Variants in TRAPPC9 observed in about 807,000 individuals in gnomAD.
TRAPPC9 encodes the protein IKK2 binding protein.
TRAPPC9 carries 83 observed loss-of-function variants against 124.0 expected under a neutral mutation model. The observed-to-expected ratio is 0.67, with a 90% CI of 0.56 to 0.80. TRAPPC9 has a LOEUF of 0.80. Ranked by LOEUF, TRAPPC9 falls within the 30% of genes least tolerant of loss-of-function variation. The pLI is 0.00. For synonymous variants in TRAPPC9, 638 were observed against 617.5 expected (o/e 1.03, Z -0.49); for missense variants, 1,302 against 1,508.3 (o/e 0.86, Z 2.27).
At chr8:140,233,982 T>C (rs946536339) in intron 16 of TRAPPC9, among the ~76,000 whole-genome samples, 4 of 152,202 alleles carry the variant, frequency 2.6e-5, no homozygotes, top group Non-Finnish European at 5.9e-5. Context: ...ACTAGACTTA[T>C]GCTAATACAG....
rs1323121296 is a variant in TRAPPC9, at chr8:139,961,138, A to G, written c.2810+27588T>C. Among the ~76,000 whole-genome samples, 2 of 124,908 alleles carry G rather than the reference A, an allele frequency of 1.6e-5. 1 individual carries two copies. Among genetic ancestry groups the G allele is most frequent in the Non-Finnish European group, 3.8e-5 (2 of 52,348 alleles). The allele number at this position is 124,908 out of a possible 152,430, so 81.9% of individuals were successfully genotyped here. A position where few individuals can be genotyped will look rare whatever the true frequency, so the allele number is the denominator to read the frequency against. ...TGAAGAGGAGGACAGCAGGAAACCC[A>G]CATGTGTCCTCGGACAAACCCACGT... On this transcript the variant is annotated intron_variant, in intron 19 of 22. Coordinates refer to ENST00000438773, the MANE Select transcript of TRAPPC9 (RefSeq NM_001160372.4).
At chr8:139,850,074 G>A (rs183609248) in intron 21 of TRAPPC9, among the ~76,000 whole-genome samples, 13 of 152,248 alleles carry the variant, frequency 8.5e-5, no homozygotes, top group African/African-American at 3.1e-4. Context: ...CTGTCCAATT[G>A]CTTAGAACTC....
chr8:140,415,901 T>C (rs2069912454), intron 5 of TRAPPC9, among the ~76,000 whole-genome samples: 1 of 152,166 alleles, frequency 6.6e-6, no homozygotes, highest in South Asian at 2.1e-4. Flanking sequence ...GAGACGACTA[T>C]AGTGAACTAT....
chr8:140,383,209 G>A (rs2068661172), intron 7 of TRAPPC9, among the ~76,000 whole-genome samples: 1 of 152,116 alleles, frequency 6.6e-6, no homozygotes. Context: ...CACAAAGATG[G>A]GGAAAAAACA....
chr8:140,312,340 G>A (rs2066319300), intron 9 of TRAPPC9, among the ~76,000 whole-genome samples: 1 of 152,164 alleles, frequency 6.6e-6, no homozygotes, highest in African/African-American at 2.4e-5. Context: ...ACCTAGAACA[G>A]CGAAGTTAGA....
chr8:140,433,850 T>G (rs953076128), intron 4 of TRAPPC9, among the ~76,000 whole-genome samples: 5 of 152,200 alleles, frequency 3.3e-5, no homozygotes, highest in Admixed American at 2.6e-4. Context: ...AAACCCTAAC[T>G]TTCCATGACT....
intron 9 of TRAPPC9, among the ~76,000 whole-genome samples, chr8:140,330,036 G>A (rs891264176): frequency 3.3e-5 from 5 of 151,872 alleles, no homozygotes; most frequent in Admixed American, 6.6e-5. Context: ...CCGAGATTGC[G>A]CCATTGCACT....
intron 22 of TRAPPC9, 120 bp from the exon 23 acceptor site, chr8:139,731,348 G>T: frequency 1.6e-6 from 2 of 1,234,176 alleles, no homozygotes; most frequent in Non-Finnish European, 2.3e-6. Flanking sequence ...GGCCGCCCAG[G>T]CCTGGCTCCA....
chr8:139,928,038 T>A (rs746361743), intron 19 of TRAPPC9, among the ~76,000 whole-genome samples: 1 of 152,184 alleles, frequency 6.6e-6, no homozygotes, highest in African/African-American at 2.4e-5. Context: ...TAGACACATA[T>A]CAAAGCTGAT....
chr8:140,360,297 A>G (rs965907819), intron 8 of TRAPPC9, 104 bp from the exon 9 acceptor site: 2 of 1,419,664 alleles, frequency 1.4e-6, no homozygotes, highest in African/African-American at 2.8e-5. Context: ...AGATGCCTCA[A>G]CCACCAAACT....
chr8:139,978,205 C>A (rs1388119072), intron 19 of TRAPPC9, among the ~76,000 whole-genome samples: 3 of 152,156 alleles, frequency 2.0e-5, no homozygotes, highest in Non-Finnish European at 4.4e-5. Context: ...GGACCACAGG[C>A]ACACAACCGG....
At chr8:139,966,065 A>G (rs1040266223) in intron 19 of TRAPPC9, among the ~76,000 whole-genome samples, 1 of 152,212 alleles carries the variant, frequency 6.6e-6, no homozygotes, top group Non-Finnish European at 1.5e-5. Flanking sequence ...GGACGTTTCT[A>G]TGAAGTTGTG....
chr8:140,029,640 A>AT (rs1212465493), intron 17 of TRAPPC9, among the ~76,000 whole-genome samples: 8 of 116,066 alleles, frequency 6.9e-5, no homozygotes, highest in South Asian at 3.0e-4. Context: ...ATAAAATTAA[A>AT]AATATATATA....
chr8:140,094,403 C>T (rs910586921), intron 17 of TRAPPC9, among the ~76,000 whole-genome samples: 10 of 152,322 alleles, frequency 6.6e-5, no homozygotes, highest in East Asian at 3.9e-4. Context: ...CCGAGAGCCA[C>T]GCACGGTCAT....
intron 21 of TRAPPC9, among the ~76,000 whole-genome samples, chr8:139,843,466 A>C (rs1400156900): frequency 6.6e-6 from 1 of 152,186 alleles, no homozygotes; most frequent in Non-Finnish European, 1.5e-5. Flanking sequence ...AGGCAGAACG[A>C]TCCCTCCCAA....
At chr8:139,833,594 C>T (rs555695039) in intron 21 of TRAPPC9, among the ~76,000 whole-genome samples, 8 of 152,350 alleles carry the variant, frequency 5.3e-5, no homozygotes, top group Admixed American at 2.6e-4. Flanking sequence ...TTGCCCTAAA[C>T]GCAGGCCTTG....
intron 17 of TRAPPC9, among the ~76,000 whole-genome samples, chr8:140,054,020 T>C (rs999544104): frequency 6.6e-6 from 1 of 152,236 alleles, no homozygotes; most frequent in African/African-American, 2.4e-5. Context: ...TGCCCTTTGC[T>C]ACAACATGGA....
intron 8 of TRAPPC9, among the ~76,000 whole-genome samples, chr8:140,367,344 A>C (rs1243171245): frequency 1.3e-5 from 2 of 152,256 alleles, no homozygotes; most frequent in Admixed American, 1.3e-4. Flanking sequence ...CATTAGGTGA[A>C]TGTATAAATA....
chr8:140,062,185 T>C (rs1016736915), intron 17 of TRAPPC9, among the ~76,000 whole-genome samples: 25 of 152,152 alleles, frequency 1.6e-4, no homozygotes, highest in Admixed American at 1.2e-3. Flanking sequence ...GGGATGGACC[T>C]GCCTGAAACC....
Sources: gnomAD v4.1 joint callset for allele counts (sites outside exome capture counted in the v4.1 genomes callset) on GRCh38, gnomAD v4.1.1 for gene constraint, MANE v1.5 for transcripts, NCBI Gene and HGNC (gene_info 2026-07-23, HGNC 2026-07-21) for gene names.